CHRNA2: variants seen among roughly 807,000 people sequenced by gnomAD.
CHRNA2 encodes the protein cholinergic receptor nicotinic alpha 2 subunit, also known as neuronal acetylcholine receptor subunit alpha-2.
A neutral mutation model predicts 45.5 loss-of-function variants in CHRNA2; 40 were observed. That is an observed-to-expected ratio of 0.88 (90% CI 0.68 to 1.15). The LOEUF (loss-of-function observed/expected upper bound fraction) is 1.15, where lower values mean the gene tolerates loss of function less well. CHRNA2 is among the 50% of genes most tolerant of loss of function. The pLI, the probability that CHRNA2 is intolerant of heterozygous loss-of-function variation, is 0.00. For missense variants in CHRNA2, 655 were observed against 701.7 expected (o/e 0.93, Z 0.75); for synonymous variants, 301 against 296.7 (o/e 1.01, Z -0.15).
intron 4 of CHRNA2, among the ~76,000 whole-genome samples, chr8:27,468,106 T>G (rs1429059010): frequency 2.6e-5 from 4 of 152,192 alleles, no homozygotes; most frequent in Admixed American, 2.0e-4. Context: ...ATTTTGCAAA[T>G]GAGGAAACTG....
chr8:27,477,227 G>A (rs1813088440), intron 1 of CHRNA2: 2 of 152,194 alleles, frequency 1.3e-5, no homozygotes, highest in African/African-American at 4.8e-5. Flanking sequence ...CAGGACTGAG[G>A]TCTGTTGAGG....
In CHRNA2 at chr8:27,471,002, G is replaced by T; in HGVS notation, c.57C>A (p.Leu19=). ...LSFTKLSLWW[L]LLTPAGGEEA... is the part of the protein sequence containing the mutation. Reference sequence around the variant, plus strand: ...AACACTCACCTGCTGGGGTCAGAAGGAGCCACCACAGGCTGAGCTTTGTGA... The same window carrying T: ...AACACTCACCTGCTGGGGTCAGAAGTAGCCACCACAGGCTGAGCTTTGTGA... The change falls in exon 2 of 7, where the codon CTC becomes CTA. Residue 19 remains leucine, a synonymous_variant. Coordinates refer to ENST00000407991, the MANE Select transcript of CHRNA2 (RefSeq NM_000742.4). 3 of 1,614,132 alleles carry T rather than the reference G, an allele frequency of 1.9e-6. No homozygotes were observed. The highest frequency in any genetic ancestry group is 2.5e-6 in the Non-Finnish European group (3 of 1,179,994).
intron 4 of CHRNA2, among the ~76,000 whole-genome samples, chr8:27,467,823 A>G (rs1484488832): frequency 6.6e-6 from 1 of 152,174 alleles, no homozygotes; most frequent in Non-Finnish European, 1.5e-5. Context: ...TCAACCAGCC[A>G]GAGGCATACA....
chr8:27,461,738 T>C lies in CHRNA2; in HGVS notation c.1481A>G (p.Lys494Arg), dbSNP rs762003141. ...CCTGTCGATGACCATGGCAACATAC[T>C]TCCAGTCCTCCTTCACCTGTGGGGA... The part of the protein sequence containing the change: ...DADSSVKEDW[K>R]YVAMVIDRIF... Residue 494 changes from lysine (K) to arginine (R), a missense_variant, in exon 7 of 7, where the codon AAG becomes AGG. Coordinates refer to ENST00000407991, the MANE Select transcript of CHRNA2 (RefSeq NM_000742.4). 1 of 1,614,116 alleles carries C rather than the reference T, an allele frequency of 6.2e-7. No individual in the cohort carries two copies. Among genetic ancestry groups the C allele is most frequent in the East Asian group, 2.2e-5 (1 of 44,886 alleles).
chr8:27,463,597 G>A lies in CHRNA2; in HGVS notation c.846C>T (p.Leu282=), dbSNP rs369173344. ...AGGGCAGGTAGAAGACCAGCACAGT[G>A]AGGCAGGAGATGAGCAGGCAGGGGA... is the stretch of plus-strand genomic sequence containing the variant. ...LIIPCLLISC[L]TVLVFYLPSD... The change falls in exon 6 of 7, where the codon CTC becomes CTT. Residue 282 remains leucine (L), a synonymous_variant. Coordinates refer to ENST00000407991, the MANE Select transcript of CHRNA2 (RefSeq NM_000742.4). This position sits in a 1 kb window ranked among gnomAD's most constrained non-coding sequence, Gnocchi z 6.1. The A allele has an allele frequency of 6.2e-6, 10 of 1,614,232 alleles. No homozygotes were observed. The highest frequency in any genetic ancestry group is 1.7e-5 in the Admixed American group (1 of 60,032).
chr8:27,464,303 G>T (rs1177960067), intron 5 of CHRNA2, among the ~76,000 whole-genome samples: 1 of 152,054 alleles, frequency 6.6e-6, no homozygotes, highest in Non-Finnish European at 1.5e-5. Flanking sequence ...AATGTAAAAC[G>T]ATTATATATA....
At chr8:27,470,341 G>A (rs1172441834) in intron 2 of CHRNA2, among the ~76,000 whole-genome samples, 1 of 152,128 alleles carries the variant, frequency 6.6e-6, no homozygotes, top group Non-Finnish European at 1.5e-5. Context: ...GCAGGGAGAA[G>A]GGCTCTGGCA....
chr8:27,468,942 G>A (rs1348791827), intron 4 of CHRNA2, among the ~76,000 whole-genome samples: 1 of 152,230 alleles, frequency 6.6e-6, no homozygotes, highest in African/African-American at 2.4e-5. Context: ...GGGACTCGGA[G>A]TCAGGCACAG....
chr8:27,467,674 G>T lies in CHRNA2; in HGVS notation c.340-336C>A, dbSNP rs2099166. 0.17 allele frequency among the ~76,000 whole-genome samples: 26,479 copies of T among 152,140 alleles called. 2,663 individuals carry two copies. Among genetic ancestry groups the T allele is most frequent in the East Asian group, 0.44 (2,281 of 5,168 alleles). On this transcript the variant is annotated intron_variant, in intron 4 of 6. Transcript: ENST00000407991. ...CTCTAGTGAAATCTCTCATTTTTAG[G>T]GCATCACAGTTTATGGTTTGTTTTA...
Position 27,469,494 on chromosome 8 carries a change from C to T in CHRNA2, c.295-115G>A, listed in dbSNP as rs899783588. 82 of 1,135,840 alleles carry T rather than the reference C, an allele frequency of 7.2e-5. No homozygotes were observed. In the Middle Eastern group the frequency reaches 9.6e-4, roughly 13 times the overall value. 70.4% of individuals were successfully genotyped at this position (1,135,840 alleles called of 1,614,324 possible). A position where few individuals can be genotyped will look rare whatever the true frequency, so the allele number is the denominator to read the frequency against. ...CTGATAGGACACCCCAAGCCCAGCCCGCCCGCCACCCACTCTGAAACCTGC... is the reference window on the plus strand; with the variant it reads ...CTGATAGGACACCCCAAGCCCAGCCTGCCCGCCACCCACTCTGAAACCTGC... On this transcript the variant is annotated intron_variant, in intron 3 of 6. Coordinates refer to ENST00000407991, the MANE Select transcript of CHRNA2 (RefSeq NM_000742.4).
intron 1 of CHRNA2, among the ~76,000 whole-genome samples, chr8:27,473,107 C>T (rs943928289): frequency 6.6e-6 from 1 of 151,736 alleles, no homozygotes; most frequent in African/African-American, 2.4e-5. Flanking sequence ...ACATTATTGC[C>T]TTAAAAGCTT....
chr8:27,467,479 G>A lies in CHRNA2; in HGVS notation c.340-141C>T. 2.4e-5 allele frequency: 16 copies of A among 656,818 alleles called. No homozygotes were observed. The South Asian group carries it at 2.8e-4, about 11-fold the overall frequency. 40.7% of individuals were successfully genotyped at this position (656,818 alleles called of 1,614,324 possible). A position where few individuals can be genotyped will look rare whatever the true frequency, so the allele number is the denominator to read the frequency against. ...GGCTCCCCACCCAGCCCAGAATAGTGGAGGGAGCTGCGGTGCTGGGAACGG... is the reference window on the plus strand; with the variant it reads ...GGCTCCCCACCCAGCCCAGAATAGTAGAGGGAGCTGCGGTGCTGGGAACGG... On this transcript the variant is annotated intron_variant, in intron 4 of 6. Coordinates refer to ENST00000407991, the MANE Select transcript of CHRNA2 (RefSeq NM_000742.4).
intron 5 of CHRNA2, among the ~76,000 whole-genome samples, chr8:27,466,043 A>G (rs1290966260): frequency 6.6e-6 from 1 of 152,226 alleles, no homozygotes; most frequent in Non-Finnish European, 1.5e-5. Flanking sequence ...GGAAGTGGAA[A>G]CTAGAAGGAC....
chr8:27,473,524 A>ACCC (rs139119872), intron 1 of CHRNA2, among the ~76,000 whole-genome samples: 1,322 of 100,622 alleles, frequency 0.013, 87 homozygotes, highest in African/African-American at 0.048. Context: ...ACATAGTGAG[A>ACCC]CCCCCCCCGC....
Position 27,463,481 on chromosome 8 carries a change from G to C in CHRNA2, c.962C>G (p.Thr321Ser). ...GCCGATGAGCGGGATGACCAGCGAG[G>C]TGGACGGGATGATCTCAGTGATGAG... is the stretch of plus-strand genomic sequence containing the variant. The part of the protein sequence containing the change: ...LLLITEIIPS[T>S]SLVIPLIGEY... Residue 321 changes from threonine to serine, a missense_variant, in exon 6 of 7, where the codon ACC becomes AGC. Around this residue, in one of 3 missense-constraint regions of CHRNA2, gnomAD observed 295 missense variants for 280.4 expected, o/e 1.05. Transcript: ENST00000407991. The surrounding 1 kb of genome is among the most constrained non-coding windows in gnomAD (Gnocchi z 6.1). 1 of 1,614,246 alleles carries C rather than the reference G, an allele frequency of 6.2e-7. No individual in the cohort carries two copies. The highest frequency in any genetic ancestry group is 8.5e-7 in the Non-Finnish European group (1 of 1,180,052).
At position 27,463,100 on chromosome 8, in the gene CHRNA2, C is replaced by T. The variant is rs374281427; in HGVS notation, c.1343G>A (p.Gly448Asp). ...CTGCAGCAGAGCCTCAGCCTTGGGACCTGAGGCCCCAGAGTGCAGGTGGCC... is the reference window on the plus strand; with the variant it reads ...CTGCAGCAGAGCCTCAGCCTTGGGATCTGAGGCCCCAGAGTGCAGGTGGCC... Reference protein sequence around the residue: ...SHGHLHSGASGPKAEALLQEG... With the variant: ...SHGHLHSGASDPKAEALLQEG... Residue 448 changes from glycine to aspartate, a missense_variant, in exon 6 of 7, where the codon GGT becomes GAT. By Grantham distance (94) the Gly-to-Asp change is moderately conservative (BLOSUM62 -1). Transcript: ENST00000407991. This position sits in a 1 kb window ranked among gnomAD's most constrained non-coding sequence, Gnocchi z 6.1. The T allele has an allele frequency of 8.1e-6, 13 of 1,611,712 alleles. No individual in the cohort carries two copies. The highest frequency in any genetic ancestry group is 8.5e-6 in the Non-Finnish European group (10 of 1,177,958).
chr8:27,473,589 C>T (rs1358515592), intron 1 of CHRNA2, among the ~76,000 whole-genome samples: 1 of 144,586 alleles, frequency 6.9e-6, no homozygotes. Flanking sequence ...TGCCTGTGAT[C>T]TCAGCTACTG....
Position 27,463,648 on chromosome 8 carries a change from C to A in CHRNA2, c.795G>T (p.Pro265=), listed in dbSNP as rs756903177. The change falls in exon 6 of 7, where the codon CCG becomes CCT. Residue 265 remains proline (P), a synonymous_variant. Coordinates refer to ENST00000407991, the MANE Select transcript of CHRNA2 (RefSeq NM_000742.4). The surrounding 1 kb of genome is among the most constrained non-coding windows in gnomAD (Gnocchi z 6.1). ...VTYAFVIRRL[P]LFYTINLIIP... is the part of the protein sequence containing the mutation. ...TGATGAGGTTGATGGTGTAGAAGAG[C>A]GGCAGCCGCCGGATGACGAAGGCGT... The A allele has an allele frequency of 1.2e-6, 2 of 1,614,016 alleles. No homozygotes were observed. The highest frequency in any genetic ancestry group is 1.1e-5 in the South Asian group (1 of 91,056).
chr8:27,471,233 C>T, intron 1 of CHRNA2, 39 bp from the exon 2 acceptor site: 1 of 632,802 alleles, frequency 1.6e-6, no homozygotes, highest in South Asian at 1.8e-5. Flanking sequence ...GGTCATGCAT[C>T]CTTGACATAG....
Sources: allele counts gnomAD v4.1 joint callset (sites outside exome capture counted in the v4.1 genomes callset), GRCh38; gene constraint gnomAD v4.1.1; regional missense constraint gnomAD v4.1.1; non-coding constraint Gnocchi (gnomAD v3.1); transcripts MANE v1.5; gene names NCBI Gene and HGNC (gene_info 2026-07-23, HGNC 2026-07-21).